SPEN: variants seen among roughly 807,000 people sequenced by gnomAD.
The protein encoded by SPEN is msx2-interacting protein.
SPEN carries 18 observed loss-of-function variants against 269.9 expected under a neutral mutation model. The ratio of observed to expected loss-of-function variants is 0.07; its 90% CI spans 0.05 to 0.10. SPEN has a LOEUF of 0.10. SPEN is among the 10% of genes least tolerant of loss of function. SPEN has a pLI of 1.00. For synonymous variants in SPEN, 1,726 were observed against 1,765.7 expected, an observed-to-expected ratio of 0.98 and a Z score of 0.56; for missense variants, 3,822 against 4,631.2, an observed-to-expected ratio of 0.83 and a Z score of 5.07.
intron 1 of SPEN, among the ~76,000 whole-genome samples, chr1:15,856,280 G>A (rs1238755516): frequency 1.3e-5 from 2 of 151,918 alleles, no homozygotes; most frequent in Non-Finnish European, 2.9e-5. Context: ...GTGAGCCACC[G>A]TGCCCGGCCA....
At position 15,928,997 on chromosome 1, in the gene SPEN, C is replaced by T; in HGVS notation, c.2757C>T (p.Val919=). Residue 919 remains valine (V), a synonymous_variant, in exon 11 of 15, where the codon GTC becomes GTT. Coordinates refer to ENST00000375759, the MANE Select transcript of SPEN (RefSeq NM_015001.3). The surrounding 1 kb of genome is among the most constrained non-coding windows in gnomAD (Gnocchi z 5.7). ...CTGCCCTGGACCAGAAACTTCAGGT[C>T]TCTCAGACGGAGCCTGCAAAATCTG... ...KSSALDQKLQ[V]SQTEPAKSDL... is the part of the protein sequence containing the mutation. 1.2e-6 allele frequency: 2 copies of T among 1,614,174 alleles called. No homozygotes were observed. The highest frequency in any genetic ancestry group is 1.7e-6 in the Non-Finnish European group (2 of 1,180,032).
At chr1:15,875,815 A>C (rs1208512267) in intron 2 of SPEN, among the ~76,000 whole-genome samples, 1 of 152,226 alleles carries the variant, frequency 6.6e-6, no homozygotes, top group African/African-American at 2.4e-5. Flanking sequence ...TGAGTAAATA[A>C]AATTTGGTAT....
chr1:15,893,405 TTGTATC>T (rs1417445322), intron 3 of SPEN, among the ~76,000 whole-genome samples: 1 of 152,194 alleles, frequency 6.6e-6, no homozygotes, highest in African/African-American at 2.4e-5. Context: ...GACTGTAGCT[TTGTATC>T]TGTCACTGGA....
At position 15,933,796 on chromosome 1, in the gene SPEN, C is replaced by A. The variant is rs757790882; in HGVS notation, c.7556C>A (p.Pro2519His). The change falls in exon 11 of 15, where the codon CCC becomes CAC. Residue 2519 changes from proline (P) to histidine (H), a missense_variant. Transcript: ENST00000375759. The surrounding 1 kb of genome is among the most constrained non-coding windows in gnomAD (Gnocchi z 5.7). ...RAQSTPSPAL[P>H]PDTKASDVDT... The stretch of plus-strand genomic sequence containing the variant: ...CAGTCTACTCCATCTCCAGCTCTTC[C>A]CCCAGACACAAAGGCCTCTGATGTT... The A allele has an allele frequency of 6.2e-7, 1 of 1,613,534 alleles. No individual in the cohort carries two copies. Among genetic ancestry groups the A allele is most frequent in the East Asian group, 2.2e-5 (1 of 44,884 alleles).
chr1:15,855,845 AGAGC>A (rs1461116640), intron 1 of SPEN, among the ~76,000 whole-genome samples: 1 of 151,646 alleles, frequency 6.6e-6, no homozygotes, highest in Admixed American at 6.6e-5. Context: ...CCTGGGTGAC[AGAGC>A]AAGACTCTGT....
In SPEN at chr1:15,858,647, A is replaced by G. The variant is rs575543502; in HGVS notation, c.83+10497A>G. ...TTTGGATGATCAGTTGGATTTTAAAAGAGCTTGGCCAGGTGCAGTGGCTCT... is the reference window on the plus strand; with the variant it reads ...TTTGGATGATCAGTTGGATTTTAAAGGAGCTTGGCCAGGTGCAGTGGCTCT... On this transcript the variant is annotated intron_variant, in intron 1 of 14. Transcript: ENST00000375759. 3.9e-5 allele frequency among the ~76,000 whole-genome samples: 6 copies of G among 152,328 alleles called. No homozygotes were observed. The South Asian group carries it at 1.2e-3, about 32-fold the overall frequency.
chr1:15,857,440 T>A (rs1030155403), intron 1 of SPEN, among the ~76,000 whole-genome samples: 9 of 151,962 alleles, frequency 5.9e-5, no homozygotes, highest in African/African-American at 1.9e-4. Flanking sequence ...CACTGCAACC[T>A]CTGCCTCCCG....
intron 5 of SPEN, among the ~76,000 whole-genome samples, chr1:15,914,515 C>T (rs2071039022): frequency 6.6e-6 from 1 of 152,062 alleles, no homozygotes; most frequent in Non-Finnish European, 1.5e-5. Context: ...GAAATTAAGC[C>T]ATTGCTTTTG....
chr1:15,940,072 C>A lies in SPEN; in HGVS notation c.*645C>A. On this transcript the variant is annotated 3_prime_UTR_variant, in exon 15 of 15. Transcript: ENST00000375759. ...AAAGGTTTTCTCTTGGTGGGATATG[C>A]AGAACTTGGGATGTGTGTATATATA... 1 of 222,074 alleles carries A rather than the reference C, an allele frequency of 4.5e-6. No homozygotes were observed. The highest frequency in any genetic ancestry group is 9.0e-6 in the Non-Finnish European group (1 of 111,492). 13.8% of individuals were successfully genotyped at this position (222,074 alleles called of 1,614,324 possible).
intron 2 of SPEN, among the ~76,000 whole-genome samples, chr1:15,875,629 G>A (rs1246973184): frequency 2.0e-5 from 3 of 151,858 alleles, no homozygotes; most frequent in Non-Finnish European, 4.4e-5. Flanking sequence ...AGTTTATGTA[G>A]TCCAGTAATT....
chr1:15,910,614 C>T (rs1003645941), intron 4 of SPEN, among the ~76,000 whole-genome samples: 24 of 150,650 alleles, frequency 1.6e-4, no homozygotes. Context: ...TTCCTGCTTT[C>T]CTACTGTTTT....
chr1:15,937,211 T>A lies in SPEN; in HGVS notation c.10075T>A (p.Ser3359Thr), dbSNP rs377740771. 3.1e-6 allele frequency: 5 copies of A among 1,613,268 alleles called. No homozygotes were observed. In the African/African-American group the frequency reaches 6.7e-5, roughly 22 times the overall value. The change falls in exon 12 of 15, where the codon TCC becomes ACC. Residue 3359 changes from serine (S) to threonine (T), a missense_variant. Around this residue, in one of 16 missense-constraint regions of SPEN, gnomAD observed 359 missense variants for 377.3 expected, o/e 0.95. Transcript: ENST00000375759. The surrounding 1 kb of genome is among the most constrained non-coding windows in gnomAD (Gnocchi z 5.7). ...EPLQPPQPVQ[S>T]TQPAQPAPPC... ...CCTGCAGCCTCCTCAGCCTGTGCAG[T>A]CCACACAGCCTGCCCAGCCTGCACC...
chr1:15,906,255 A>T (rs2148726572), intron 3 of SPEN, among the ~76,000 whole-genome samples: 1 of 152,276 alleles, frequency 6.6e-6, no homozygotes. Flanking sequence ...ATGATCAGCA[A>T]ACATTTTTTC....
Position 15,934,258 on chromosome 1 carries a change from A to G in SPEN, c.8018A>G (p.Lys2673Arg). The G allele has an allele frequency of 6.2e-7, 1 of 1,614,254 alleles. No homozygotes were observed. The highest frequency in any genetic ancestry group is 1.1e-5 in the South Asian group (1 of 91,082). ...GTGAATGCCCTGAAAGGCCCCGTGA[A>G]GGGCTCAGTGACCACACTGAAAAGT... ...VPVNALKGPVKGSVTTLKSLV... is the reference protein window; with the variant it reads ...VPVNALKGPVRGSVTTLKSLV... The change falls in exon 11 of 15, where the codon AAG (lysine) becomes AGG (arginine). Residue 2673 changes from lysine to arginine, a missense_variant. This residue lies in a region of SPEN where 329 missense variants were observed against 431.2 expected (regional missense o/e 0.76). Coordinates refer to ENST00000375759, the MANE Select transcript of SPEN (RefSeq NM_015001.3). This position sits in a 1 kb window ranked among gnomAD's most constrained non-coding sequence, Gnocchi z 9.2.
At chr1:15,882,685 T>C (rs2070697930) in intron 3 of SPEN, among the ~76,000 whole-genome samples, 1 of 152,124 alleles carries the variant, frequency 6.6e-6, no homozygotes, top group Non-Finnish European at 1.5e-5. Flanking sequence ...TTATTTGCCA[T>C]GAGCCGAGGA....
intron 3 of SPEN, among the ~76,000 whole-genome samples, chr1:15,877,394 A>T (rs2070642210): frequency 6.6e-6 from 1 of 152,038 alleles, no homozygotes; most frequent in Admixed American, 6.6e-5. Context: ...TCAGCCTCCC[A>T]AGTAGCTGGG....
chr1:15,894,536 GTTTTTTTTTTTTT>G (rs766111268), intron 3 of SPEN, among the ~76,000 whole-genome samples: 4 of 100,382 alleles, frequency 4.0e-5, no homozygotes, highest in Non-Finnish European at 5.7e-5. Context: ...TATTATGGTT[GTTTTTTTTTTTTT>G]TTTTTTTTTT....
intron 3 of SPEN, among the ~76,000 whole-genome samples, chr1:15,895,259 A>G (rs1334089349): frequency 6.6e-6 from 1 of 152,138 alleles, no homozygotes; most frequent in Non-Finnish European, 1.5e-5. Context: ...GTTCTGTGCC[A>G]TTAAGTACAT....
chr1:15,940,126 TACTG>T lies in SPEN; in HGVS notation c.*703_*706del, dbSNP rs1008019274. 25 of 216,156 alleles carry T rather than the reference TACTG, an allele frequency of 1.2e-4. No homozygotes were observed. The highest frequency in any genetic ancestry group is 2.0e-4 in the Non-Finnish European group (22 of 108,052). The allele number at this position is 216,156 out of a possible 1,614,324, so 13.4% of individuals were successfully genotyped here. A position where few individuals can be genotyped will look rare whatever the true frequency, so the allele number is the denominator to read the frequency against. On this transcript the variant is annotated 3_prime_UTR_variant, in exon 15 of 15. Transcript: ENST00000375759. ...ATATAATATATATAAATATATATAA[TACTG>T]ACTTAAAAAATCAAATCCCCCGACA...
Sources: gnomAD v4.1 joint callset for allele counts (sites outside exome capture counted in the v4.1 genomes callset) on GRCh38, gnomAD v4.1.1 for gene constraint, gnomAD v4.1.1 regional missense constraint, Gnocchi (gnomAD v3.1) non-coding constraint, MANE v1.5 for transcripts, NCBI Gene and HGNC (gene_info 2026-07-23, HGNC 2026-07-21) for gene names.